MGAT5: variants seen among roughly 807,000 people sequenced by gnomAD.
The protein encoded by MGAT5 is alpha-1,6-mannosylglycoprotein 6-beta-N-acetylglucosaminyltransferase A.
Under a neutral mutation model 94.3 loss-of-function variants are expected in MGAT5, and 30 were observed. The ratio of observed to expected loss-of-function variants is 0.32; its 90% CI spans 0.24 to 0.43. MGAT5 has a LOEUF of 0.43. Among genes scored for constraint, MGAT5 ranks in the 20% least tolerant of loss-of-function variants. The pLI is 1.00. For synonymous variants in MGAT5, 310 were observed against 322.9 expected, an observed-to-expected ratio of 0.96 and a Z score of 0.43; for missense variants, 691 against 905.5, an observed-to-expected ratio of 0.76 and a Z score of 3.04.
intron 1 of MGAT5, among the ~76,000 whole-genome samples, chr2:134,161,414 T>C (rs1186518992): frequency 6.6e-6 from 1 of 152,224 alleles, no homozygotes; most frequent in Non-Finnish European, 1.5e-5. Context: ...GGGAGCCTTG[T>C]TACCTGGTAA....
chr2:134,157,984 T>C (rs1220064517), intron 1 of MGAT5, among the ~76,000 whole-genome samples: 2 of 152,188 alleles, frequency 1.3e-5, no homozygotes, highest in African/African-American at 4.8e-5. Flanking sequence ...GTGGGTAGCT[T>C]GTCTCTGCGG....
At chr2:134,288,867 A>G (rs1273993346) in intron 2 of MGAT5, among the ~76,000 whole-genome samples, 1 of 152,162 alleles carries the variant, frequency 6.6e-6, no homozygotes, top group African/African-American at 2.4e-5. Context: ...TTCTGGAAAT[A>G]TCAGATGTAC....
intron 1 of MGAT5, among the ~76,000 whole-genome samples, chr2:134,125,125 C>A (rs1392564007): frequency 6.6e-6 from 1 of 151,894 alleles, no homozygotes; most frequent in Non-Finnish European, 1.5e-5. Context: ...AAAGGGTAGA[C>A]AAGAAAATAG....
At chr2:134,142,258 A>G (rs1686692144) in intron 1 of MGAT5, among the ~76,000 whole-genome samples, 1 of 152,192 alleles carries the variant, frequency 6.6e-6, no homozygotes, top group African/African-American at 2.4e-5. Flanking sequence ...GGTTAAAGTC[A>G]GGAGACCAGA....
intron 2 of MGAT5, among the ~76,000 whole-genome samples, chr2:134,314,765 G>A (rs1287355738): frequency 1.3e-5 from 2 of 152,186 alleles, no homozygotes; most frequent in Non-Finnish European, 2.9e-5. Flanking sequence ...GGACGTTCCA[G>A]GGAGAGGAAG....
At chr2:134,369,542 G>A (rs1680649096) in intron 10 of MGAT5, among the ~76,000 whole-genome samples, 1 of 152,098 alleles carries the variant, frequency 6.6e-6, no homozygotes, top group Non-Finnish European at 1.5e-5. Context: ...CAACATAGAT[G>A]ACTTCAAAAT....
chr2:134,255,478 CATATATACAT>C (rs1489326508), intron 1 of MGAT5, among the ~76,000 whole-genome samples: 5 of 144,456 alleles, frequency 3.5e-5, no homozygotes, highest in African/African-American at 1.2e-4. Context: ...CATATATATA[CATATATACAT>C]ATATATACAC....
intron 10 of MGAT5, among the ~76,000 whole-genome samples, chr2:134,369,052 C>T (rs369430219): frequency 4.6e-5 from 7 of 152,264 alleles, no homozygotes; most frequent in African/African-American, 1.7e-4. Flanking sequence ...ATCTCTCTTC[C>T]TTACTAGACT....
chr2:134,175,983 A>G (rs528008322), intron 1 of MGAT5, among the ~76,000 whole-genome samples: 3 of 152,292 alleles, frequency 2.0e-5, no homozygotes, highest in African/African-American at 7.2e-5. Flanking sequence ...ATGATAGCTT[A>G]CAATCATGTT....
chr2:134,387,332 A>ACATATTTTTTTTT (rs1682084733), intron 10 of MGAT5, among the ~76,000 whole-genome samples: 1 of 24,274 alleles, frequency 4.1e-5, no homozygotes, highest in African/African-American at 2.0e-4. Context: ...ATATATATAT[A>ACATATTTTTTTTT]TTTTTTTTTT....
intron 1 of MGAT5, among the ~76,000 whole-genome samples, chr2:134,137,027 A>G (rs1686440230): frequency 6.6e-6 from 1 of 152,192 alleles, no homozygotes; most frequent in South Asian, 2.1e-4. Context: ...AAATGTCCTA[A>G]TTATCTGAAT....
intron 2 of MGAT5, among the ~76,000 whole-genome samples, chr2:134,299,281 T>G (rs2105813180): frequency 6.6e-6 from 1 of 152,274 alleles, no homozygotes; most frequent in East Asian, 1.9e-4. Flanking sequence ...CAAATTCCAA[T>G]TAGAGGATGG....
rs1020702966 is a variant in MGAT5, at chr2:134,280,249, G to A, written c.406+9699G>A. Among the ~76,000 whole-genome samples, 4 of 152,284 alleles carry A rather than the reference G, an allele frequency of 2.6e-5. No individual in the cohort carries two copies. The East Asian group carries it at 7.7e-4, about 29-fold the overall frequency. ...GACAGAAAGAGGGATTCAATTAGGG[G>A]TGTGACTGAACTGCCCTACAGTTCA... On this transcript the variant is annotated intron_variant, in intron 2 of 15. Coordinates refer to ENST00000281923, the MANE Select transcript of MGAT5 (RefSeq NM_002410.5).
At chr2:134,422,705 A>C (rs2106361011) in intron 12 of MGAT5, 98 bp from the exon 13 acceptor site, 1 of 840,128 alleles carries the variant, frequency 1.2e-6, no homozygotes, top group Middle Eastern at 2.3e-4. Context: ...TGTTACCTAC[A>C]CGATTATAAC....
Position 134,452,145 on chromosome 2 carries a change from A to G in MGAT5, c.*3298A>G, listed in dbSNP as rs1310966328. 6.6e-6 allele frequency: 1 copy of G among 152,216 alleles called. No homozygotes were observed. The highest frequency in any genetic ancestry group is 1.5e-5 in the Non-Finnish European group (1 of 68,072). 9.4% of individuals were successfully genotyped at this position (152,216 alleles called of 1,614,324 possible). On this transcript the variant is annotated 3_prime_UTR_variant, in exon 16 of 16. Transcript: ENST00000281923. The stretch of plus-strand genomic sequence containing the variant: ...TGAAGCTGGACACCAGACGCTCCCT[A>G]TAACCCCCCCGCCAGGCCATAGCGT...
At chr2:134,245,895 C>A (rs1030490096) in intron 1 of MGAT5, among the ~76,000 whole-genome samples, 1 of 152,072 alleles carries the variant, frequency 6.6e-6, no homozygotes, top group South Asian at 2.1e-4. Context: ...AGGTGGGTGG[C>A]ATTGGAGGTT....
At chr2:134,357,929 A>G (rs1337522514) in intron 9 of MGAT5, among the ~76,000 whole-genome samples, 1 of 152,042 alleles carries the variant, frequency 6.6e-6, no homozygotes, top group Non-Finnish European at 1.5e-5. Flanking sequence ...ATTACTATGT[A>G]TAGTTTTTTA....
At chr2:134,252,414 GGCAT>G (rs1682662657), upstream of MGAT5, among the ~76,000 whole-genome samples, 2 of 152,234 alleles carry the variant, frequency 1.3e-5, no homozygotes, top group Non-Finnish European at 2.9e-5. Context: ...CATTTTAATA[GGCAT>G]TGTGGTGGGT....
chr2:134,428,229 C>T, intron 13 of MGAT5, 136 bp from the exon 14 acceptor site: 1 of 682,128 alleles, frequency 1.5e-6, no homozygotes. Flanking sequence ...GAGATCACGA[C>T]TTGCAAGTCC....
Sources: allele counts gnomAD v4.1 joint callset (sites outside exome capture counted in the v4.1 genomes callset), GRCh38; gene constraint gnomAD v4.1.1; transcripts MANE v1.5; gene names NCBI Gene and HGNC (gene_info 2026-07-23, HGNC 2026-07-21).